CDYL: variants seen among roughly 807,000 people sequenced by gnomAD.
CDYL encodes the protein chromodomain Y-like protein.
Under a neutral mutation model 47.3 loss-of-function variants are expected in CDYL, and 8 were observed. The ratio of observed to expected loss-of-function variants is 0.17; its 90% CI spans 0.10 to 0.31. The LOEUF (loss-of-function observed/expected upper bound fraction) is 0.31, where lower values mean the gene tolerates loss of function less well. Among genes scored for constraint, CDYL ranks in the 10% least tolerant of loss-of-function variants. The pLI, the probability that CDYL is intolerant of heterozygous loss-of-function variation, is 1.00. For synonymous variants in CDYL, 266 were observed against 265.0 expected (o/e 1.00, Z -0.04); for missense variants, 471 against 701.4 (o/e 0.67, Z 3.71).
intron 1 of CDYL, among the ~76,000 whole-genome samples, chr6:4,777,690 G>C (rs1471001082): frequency 6.6e-6 from 1 of 152,180 alleles, no homozygotes; most frequent in African/African-American, 2.4e-5. Flanking sequence ...TTTATGATGC[G>C]TTTAGGGACC....
intron 1 of CDYL, among the ~76,000 whole-genome samples, chr6:4,790,600 A>G (rs371417764): frequency 6.6e-6 from 1 of 152,176 alleles, no homozygotes; most frequent in African/African-American, 2.4e-5. Flanking sequence ...TAAAGCAATG[A>G]CATTTTGTAA....
chr6:4,875,945 T>C (rs1312698045), intron 1 of CDYL, among the ~76,000 whole-genome samples: 1 of 152,208 alleles, frequency 6.6e-6, no homozygotes, highest in Non-Finnish European at 1.5e-5. Flanking sequence ...AGTTTGTTCA[T>C]AGTTTTTTTC....
intron 1 of CDYL, among the ~76,000 whole-genome samples, chr6:4,863,468 G>A (rs1438016850): frequency 1.3e-5 from 2 of 152,120 alleles, no homozygotes; most frequent in Non-Finnish European, 2.9e-5. Context: ...TTAAAAAAAG[G>A]TCACTTTACA....
chr6:4,718,371 T>C (rs60659767), intron 2 of CDYL, among the ~76,000 whole-genome samples: 2,805 of 152,154 alleles, frequency 0.018, 98 homozygotes, highest in African/African-American at 0.065. Context: ...CTCTGCCTCC[T>C]GGGTTCAAAT....
intron 1 of CDYL, among the ~76,000 whole-genome samples, chr6:4,803,685 A>G (rs75853424): frequency 0.019 from 2,791 of 150,030 alleles, 103 homozygotes; most frequent in African/African-American, 0.065. Context: ...CAGCATCAGC[A>G]CGTGGCCTCG....
rs150092030 is a variant in CDYL at position 4,892,267 on chromosome 6, C to A, written c.579C>A (p.Pro193=). 1.2e-6 allele frequency: 2 copies of A among 1,614,164 alleles called. No individual in the cohort carries two copies. The highest frequency in any genetic ancestry group is 1.1e-5 in the South Asian group (1 of 91,072). The change falls in exon 2 of 7, where the codon CCC becomes CCA. Residue 193 remains proline (P), a synonymous_variant. Coordinates refer to ENST00000397588, the MANE Select transcript of CDYL (RefSeq NM_004824.4). ...AGCCGGTCGGAGCTTTATTGGGCCC[C>A]GGTGCCGAGAGGGCCAGGATGGGGA... The part of the protein sequence containing the change: ...AEKPVGALLG[P]GAERARMGSR...
intron 1 of CDYL, among the ~76,000 whole-genome samples, chr6:4,826,023 T>C (rs1219239578): frequency 6.6e-6 from 1 of 152,202 alleles, no homozygotes; most frequent in Non-Finnish European, 1.5e-5. Flanking sequence ...GGTTTAAATC[T>C]CAACTCTGGC....
At position 4,878,361 on chromosome 6, in the gene CDYL, A is replaced by ATG. The variant is rs535587834; in HGVS notation, c.25-13340_25-13339dup. Reference sequence around the variant, plus strand: ...CACCAGCAAAGCCATCTGGGGTTTGATGTGTGTGTGTGTAGAGGTTTGGGA... The same window carrying ATG: ...CACCAGCAAAGCCATCTGGGGTTTGATGTGTGTGTGTGTGTAGAGGTTTGGGA... On this transcript the variant is annotated intron_variant, in intron 1 of 6. Transcript: ENST00000397588. Among the ~76,000 whole-genome samples the ATG allele has an allele frequency of 7.2e-4, 109 of 151,454 alleles. 1 individual carries two copies. The highest frequency in any genetic ancestry group is 4.4e-3 in the South Asian group (21 of 4,786).
At chr6:4,794,796 T>A (rs1013492630) in intron 1 of CDYL, among the ~76,000 whole-genome samples, 4 of 152,182 alleles carry the variant, frequency 2.6e-5, no homozygotes, top group African/African-American at 9.7e-5. Context: ...TTGTTGTTGG[T>A]CTCGTTGATG....
At chr6:4,762,825 C>A (rs957233064) in intron 3 of CDYL, among the ~76,000 whole-genome samples, 1 of 151,888 alleles carries the variant, frequency 6.6e-6, no homozygotes. Flanking sequence ...CTGTAACATA[C>A]GTTCATTGGA....
intron 2 of CDYL, among the ~76,000 whole-genome samples, chr6:4,923,554 G>T (rs138909758): frequency 6.6e-6 from 1 of 152,070 alleles, no homozygotes; most frequent in African/African-American, 2.4e-5. Flanking sequence ...CCTCTTTGAC[G>T]TGCTGATTTC....
At position 4,740,789 on chromosome 6, in the gene CDYL, C is replaced by CT. The variant is rs57810529; in HGVS notation, c.186+5960dup. On this transcript the variant is annotated intron_variant, in intron 3 of 8. Transcript: ENST00000328908. ...TTGGAAAGGGCATATACTCTAAAAT[C>CT]TTTTTTTTTTTTTTTGAGATGGAGT... 8.9e-3 allele frequency among the ~76,000 whole-genome samples: 1,253 copies of CT among 140,638 alleles called. 11 individuals carry two copies. The highest frequency in any genetic ancestry group is 0.024 in the African/African-American group (913 of 38,394). The allele number at this position is 140,638 out of a possible 152,430, so 92.3% of individuals were successfully genotyped here.
chr6:4,805,573 C>T (rs772237657), intron 1 of CDYL, among the ~76,000 whole-genome samples: 7 of 152,084 alleles, frequency 4.6e-5, no homozygotes, highest in Admixed American at 1.3e-4. Context: ...CTGGAGGCCC[C>T]GGAAAGTGGT....
At chr6:4,924,387 G>A (rs1291760545) in intron 2 of CDYL, among the ~76,000 whole-genome samples, 3 of 152,124 alleles carry the variant, frequency 2.0e-5, no homozygotes, top group Non-Finnish European at 2.9e-5. Context: ...GTGGTTTGCC[G>A]TTCACCTGCC....
intron 1 of CDYL, among the ~76,000 whole-genome samples, chr6:4,889,811 T>A (rs1429190869): frequency 6.6e-6 from 1 of 152,186 alleles, no homozygotes; most frequent in Non-Finnish European, 1.5e-5. Flanking sequence ...CTTCCTTATG[T>A]ATACTCAGTC....
intron 6 of CDYL, among the ~76,000 whole-genome samples, chr6:4,953,574 G>T (rs188805754): frequency 5.3e-4 from 81 of 152,294 alleles, no homozygotes; most frequent in African/African-American, 1.9e-3. Flanking sequence ...GAGCTTTCTG[G>T]GCATCAGCAG....
At chr6:4,755,033 G>T (rs1758053505) in intron 3 of CDYL, among the ~76,000 whole-genome samples, 1 of 146,418 alleles carries the variant, frequency 6.8e-6, no homozygotes, top group Non-Finnish European at 1.5e-5. Flanking sequence ...GTTTGTTGTT[G>T]TTGTTGTTGT....
chr6:4,767,259 TAAAA>T (rs35058381), intron 3 of CDYL, among the ~76,000 whole-genome samples: 10 of 145,088 alleles, frequency 6.9e-5, no homozygotes, highest in African/African-American at 2.5e-4. Flanking sequence ...TCATTCATGA[TAAAA>T]AAAAAAAAAG....
chr6:4,914,392 G>A (rs1192523299), intron 2 of CDYL, among the ~76,000 whole-genome samples: 1 of 152,102 alleles, frequency 6.6e-6, no homozygotes, highest in Non-Finnish European at 1.5e-5. Context: ...TTTCTCATTA[G>A]CGAACTGCTA....
Sources: gnomAD v4.1 joint callset for allele counts (sites outside exome capture counted in the v4.1 genomes callset) on GRCh38, gnomAD v4.1.1 for gene constraint, MANE v1.5 for transcripts, NCBI Gene and HGNC (gene_info 2026-07-23, HGNC 2026-07-21) for gene names.